TMCC1: variants seen among roughly 807,000 people sequenced by gnomAD.
TMCC1 encodes transmembrane and coiled-coil domains protein 1.
A neutral mutation model predicts 52.4 loss-of-function variants in TMCC1; 15 were observed. The observed-to-expected ratio is 0.29, with a 90% CI of 0.19 to 0.44. TMCC1 has a LOEUF of 0.44. TMCC1 is among the 20% of genes least tolerant of loss of function. The probability of loss-of-function intolerance (pLI) is 1.00; values close to 1 mark genes in which losing one functional copy is unlikely to be tolerated. For missense variants in TMCC1, 503 were observed against 806.0 expected, an observed-to-expected ratio of 0.62 and a Z score of 4.55; for synonymous variants, 279 against 301.9, an observed-to-expected ratio of 0.92 and a Z score of 0.79.
At chr3:129,850,812 T>C (rs1284248466) in intron 2 of TMCC1, among the ~76,000 whole-genome samples, 2 of 152,214 alleles carry the variant, frequency 1.3e-5, no homozygotes, top group Non-Finnish European at 2.9e-5. Context: ...TAACTAAAAG[T>C]ATCCCTTATG....
chr3:129,657,100 A>G (rs767006226), intron 5 of TMCC1, among the ~76,000 whole-genome samples: 11 of 152,246 alleles, frequency 7.2e-5, no homozygotes, highest in Non-Finnish European at 1.6e-4. Flanking sequence ...GGGAAAGGTT[A>G]TATCTGGCAG....
intron 4 of TMCC1, among the ~76,000 whole-genome samples, chr3:129,733,170 T>A (rs948760521): frequency 6.6e-6 from 1 of 152,214 alleles, no homozygotes; most frequent in African/African-American, 2.4e-5. Context: ...GTTTGCTCCA[T>A]CTTACCCATA....
At chr3:129,792,379 G>A (rs1193648922) in intron 4 of TMCC1, among the ~76,000 whole-genome samples, 2 of 151,630 alleles carry the variant, frequency 1.3e-5, no homozygotes, top group East Asian at 3.9e-4. Flanking sequence ...ACGGAGTCTC[G>A]CTCTGTCACC....
At chr3:129,665,352 G>A (rs957695075) in intron 5 of TMCC1, among the ~76,000 whole-genome samples, 1 of 152,182 alleles carries the variant, frequency 6.6e-6, no homozygotes, top group Admixed American at 6.5e-5. Context: ...ATGGTCTTGG[G>A]CAACTATCTT....
At chr3:129,764,416 C>T (rs573433016) in intron 4 of TMCC1, among the ~76,000 whole-genome samples, 2 of 152,268 alleles carry the variant, frequency 1.3e-5, no homozygotes, top group Non-Finnish European at 2.9e-5. Flanking sequence ...AAGGCCATAA[C>T]AATTTCTCCA....
At chr3:129,862,793 A>T (rs1213531442) in intron 2 of TMCC1, among the ~76,000 whole-genome samples, 3 of 152,176 alleles carry the variant, frequency 2.0e-5, no homozygotes, top group Non-Finnish European at 4.4e-5. Flanking sequence ...ACAACCCAAA[A>T]ACTTTCAGAA....
Position 129,807,435 on chromosome 3 carries a change from T to C in TMCC1, c.576+20368A>G, listed in dbSNP as rs1023836643. ...AGATCCAGTCTTTGAGTTTTCCAGA[T>C]TGAAAGGACTCATAAATTTTCCAGA... On this transcript the variant is annotated intron_variant, in intron 4 of 6. Coordinates refer to ENST00000393238, the MANE Select transcript of TMCC1 (RefSeq NM_001017395.5). 1.8e-4 allele frequency among the ~76,000 whole-genome samples: 28 copies of C among 152,190 alleles called. 1 individual carries two copies. The highest frequency in any genetic ancestry group is 1.9e-4 in the Non-Finnish European group (13 of 68,032).
chr3:129,780,316 AGAT>A (rs2055416781), intron 4 of TMCC1, among the ~76,000 whole-genome samples: 2 of 152,142 alleles, frequency 1.3e-5, no homozygotes, highest in Non-Finnish European at 2.9e-5. Flanking sequence ...TGAACAGGTT[AGAT>A]GATGATCTCC....
chr3:129,781,239 A>G (rs1267989275), intron 4 of TMCC1, among the ~76,000 whole-genome samples: 1 of 152,168 alleles, frequency 6.6e-6, no homozygotes, highest in Non-Finnish European at 1.5e-5. Flanking sequence ...TTTGCCGACA[A>G]ATACTCTGTT....
At chr3:129,803,248 T>C (rs567059996) in intron 4 of TMCC1, among the ~76,000 whole-genome samples, 1 of 152,102 alleles carries the variant, frequency 6.6e-6, no homozygotes, top group Non-Finnish European at 1.5e-5. Context: ...TTATGCTAAA[T>C]GAAATAAGCC....
At chr3:129,756,571 G>A (rs1371420284) in intron 4 of TMCC1, among the ~76,000 whole-genome samples, 1 of 152,042 alleles carries the variant, frequency 6.6e-6, no homozygotes, top group East Asian at 1.9e-4. Context: ...GCTGATTTTT[G>A]TATCTTTTAG....
At chr3:129,829,576 G>A (rs989403260) in intron 3 of TMCC1, among the ~76,000 whole-genome samples, 2 of 151,772 alleles carry the variant, frequency 1.3e-5, no homozygotes, top group South Asian at 4.1e-4. Flanking sequence ...TACATGCACA[G>A]AAGCTGCTAC....
intron 4 of TMCC1, among the ~76,000 whole-genome samples, chr3:129,672,462 T>C (rs557654312): frequency 3.3e-5 from 5 of 152,112 alleles, no homozygotes; most frequent in South Asian, 2.1e-4. Flanking sequence ...TACACAGTTA[T>C]GGTGGCACAC....
At chr3:129,769,631 A>G (rs570221073) in intron 4 of TMCC1, among the ~76,000 whole-genome samples, 23 of 151,490 alleles carry the variant, frequency 1.5e-4, no homozygotes, top group Non-Finnish European at 2.1e-4. Flanking sequence ...TCTTCTTCCA[A>G]TGTGGTGTAG....
At chr3:129,652,427 T>C (rs918297272) in intron 6 of TMCC1, among the ~76,000 whole-genome samples, 4 of 152,124 alleles carry the variant, frequency 2.6e-5, no homozygotes, top group African/African-American at 7.2e-5. Context: ...CATGCCTTAT[T>C]ATATCCCCTC....
At chr3:129,789,164 TATA>T (rs1381292886) in intron 4 of TMCC1, among the ~76,000 whole-genome samples, 3 of 152,186 alleles carry the variant, frequency 2.0e-5, no homozygotes, top group Non-Finnish European at 2.9e-5. Flanking sequence ...GTTAATTACA[TATA>T]ATATTATACT....
At chr3:129,848,583 C>G (rs1419190880) in intron 2 of TMCC1, among the ~76,000 whole-genome samples, 2 of 152,206 alleles carry the variant, frequency 1.3e-5, no homozygotes, top group African/African-American at 4.8e-5. Flanking sequence ...ACTGGCAAAA[C>G]CCCAATCCTG....
intron 4 of TMCC1, among the ~76,000 whole-genome samples, chr3:129,701,151 A>G (rs1258804125): frequency 1.3e-5 from 2 of 152,248 alleles, no homozygotes; most frequent in Non-Finnish European, 2.9e-5. Context: ...GACTGAGTGA[A>G]TAAGTTTTTC....
intron 4 of TMCC1, among the ~76,000 whole-genome samples, chr3:129,805,352 A>G (rs2057402589): frequency 6.6e-6 from 1 of 152,016 alleles, no homozygotes; most frequent in Non-Finnish European, 1.5e-5. Flanking sequence ...TTGTAGAGAT[A>G]GGGTTTTGCC....
Sources: gnomAD v4.1 joint callset for allele counts (sites outside exome capture counted in the v4.1 genomes callset) on GRCh38, gnomAD v4.1.1 for gene constraint, MANE v1.5 for transcripts, NCBI Gene and HGNC (gene_info 2026-07-23, HGNC 2026-07-21) for gene names.